Variants in CAMK2D observed in about 807,000 individuals in gnomAD.
CAMK2D encodes calcium/calmodulin dependent protein kinase II delta.
In CAMK2D, 37 loss-of-function variants were observed where a neutral mutation model predicts 84.0. The ratio of observed to expected loss-of-function variants is 0.44; its 90% confidence interval spans 0.34 to 0.58. The LOEUF (loss-of-function observed/expected upper bound fraction) is 0.58, where lower values mean the gene tolerates loss of function less well. CAMK2D is among the 20% of genes least tolerant of loss of function. CAMK2D has a pLI of 0.02. For missense variants in CAMK2D, 448 were observed against 652.5 expected (o/e 0.69, Z 3.41); for synonymous variants, 202 against 212.5 (o/e 0.95, Z 0.43).
At chr4:113,460,442 T>C (rs1382466753) in intron 17 of CAMK2D, among the ~76,000 whole-genome samples, 1 of 152,116 alleles carries the variant, frequency 6.6e-6, no homozygotes, top group Non-Finnish European at 1.5e-5. Context: ...AGAACTCTGA[T>C]AGGAACAAAC....
At chr4:113,455,048 A>C (rs1198629324) in intron 20 of CAMK2D, among the ~76,000 whole-genome samples, 1 of 152,228 alleles carries the variant, frequency 6.6e-6, no homozygotes, top group Non-Finnish European at 1.5e-5. Context: ...ACTATTTGTT[A>C]AAAGCTCTGA....
chr4:113,513,903 G>C lies in CAMK2D; in HGVS notation c.830C>G (p.Thr277Ser). ...CTGTCTGTGCATCATGGAAGCAACAGTAGAACGTTGCTAGAAGAAGAGGAG... is the reference window on the plus strand; with the variant it reads ...CTGTCTGTGCATCATGGAAGCAACACTAGAACGTTGCTAGAAGAAGAGGAG... Reference protein sequence around the residue: ...LKHPWICQRSTVASMMHRQET... With the variant: ...LKHPWICQRSSVASMMHRQET... Residue 277 changes from threonine to serine, a missense_variant, in exon 11 of 21, where the codon ACT becomes AGT. By Grantham distance (58) the Thr-to-Ser change is moderately conservative (BLOSUM62 1). This residue lies in a region of CAMK2D where 69 missense variants were observed against 175.6 expected (regional missense o/e 0.39). Transcript: ENST00000511664. 2 of 1,548,072 alleles carry C rather than the reference G, an allele frequency of 1.3e-6. 1 individual carries two copies.
At chr4:113,615,287 T>C (rs528246654) in intron 3 of CAMK2D, among the ~76,000 whole-genome samples, 123 of 152,106 alleles carry the variant, frequency 8.1e-4, no homozygotes, top group Middle Eastern at 6.8e-3. Context: ...TATACATATA[T>C]GTATTAATTT....
chr4:113,750,598 A>G (rs537255395), intron 2 of CAMK2D, among the ~76,000 whole-genome samples: 7 of 152,328 alleles, frequency 4.6e-5, no homozygotes, highest in Admixed American at 1.3e-4. Flanking sequence ...CTGGATCTCT[A>G]AAACTTATCA....
chr4:113,552,300 CAT>C (rs1251991355), intron 4 of CAMK2D, among the ~76,000 whole-genome samples: 1 of 152,116 alleles, frequency 6.6e-6, no homozygotes, highest in Non-Finnish European at 1.5e-5. Flanking sequence ...TCATTAGACA[CAT>C]GAGGTCACAA....
chr4:113,610,771 C>T (rs545162256), intron 3 of CAMK2D, among the ~76,000 whole-genome samples: 5 of 151,236 alleles, frequency 3.3e-5, no homozygotes, highest in South Asian at 2.1e-4. Flanking sequence ...TGCCCTGCCA[C>T]GCTTATCTTA....
chr4:113,673,725 G>A (rs2154328366), intron 2 of CAMK2D, among the ~76,000 whole-genome samples: 1 of 152,350 alleles, frequency 6.6e-6, no homozygotes, highest in South Asian at 2.1e-4. Flanking sequence ...AGGTGACAAA[G>A]AGTGTCAGTA....
intron 3 of CAMK2D, among the ~76,000 whole-genome samples, chr4:113,629,373 C>T (rs1338921068): frequency 6.6e-6 from 1 of 151,922 alleles, no homozygotes; most frequent in African/African-American, 2.4e-5. Context: ...TTTAAGGAAA[C>T]ATGGCATTAA....
At chr4:113,520,584 C>CTAAAG (rs146313210) in intron 8 of CAMK2D, among the ~76,000 whole-genome samples, 4,739 of 152,018 alleles carry the variant, frequency 0.031, 128 homozygotes, top group Non-Finnish European at 0.044. Flanking sequence ...GCCCATATAC[C>CTAAAG]TAAAGTACTA....
At chr4:113,674,453 A>G (rs369376519) in intron 2 of CAMK2D, among the ~76,000 whole-genome samples, 2 of 152,212 alleles carry the variant, frequency 1.3e-5, no homozygotes, top group African/African-American at 4.8e-5. Context: ...CAAGTGGGTC[A>G]GGCCTAAAGT....
At chr4:113,633,606 C>G (rs1002940675) in intron 3 of CAMK2D, among the ~76,000 whole-genome samples, 1 of 152,156 alleles carries the variant, frequency 6.6e-6, no homozygotes, top group Non-Finnish European at 1.5e-5. Context: ...GTCATTGCTA[C>G]AACTGTCATT....
intron 3 of CAMK2D, among the ~76,000 whole-genome samples, chr4:113,646,676 G>T (rs764641297): frequency 1.3e-5 from 2 of 152,172 alleles, no homozygotes; most frequent in Non-Finnish European, 2.9e-5. Flanking sequence ...AGCAACTGAG[G>T]GGGAGAGAAG....
At chr4:113,521,045 G>A (rs1419777374) in intron 8 of CAMK2D, among the ~76,000 whole-genome samples, 1 of 152,142 alleles carries the variant, frequency 6.6e-6, no homozygotes, top group East Asian at 1.9e-4. Flanking sequence ...ACAAAATGAT[G>A]ATACTCTAAT....
At chr4:113,526,446 A>G (rs993810237) in intron 8 of CAMK2D, among the ~76,000 whole-genome samples, 7 of 108,736 alleles carry the variant, frequency 6.4e-5, no homozygotes, top group Admixed American at 5.4e-4. Flanking sequence ...GTGTGTGTGC[A>G]TGCATGTATG....
chr4:113,575,945 C>T (rs1978130), intron 4 of CAMK2D, among the ~76,000 whole-genome samples: 110,090 of 152,006 alleles, frequency 0.72, 40,153 homozygotes, highest in Middle Eastern at 0.78. Context: ...AACTATATTG[C>T]TATTTTTTAA....
chr4:113,537,205 G>T, intron 7 of CAMK2D, 136 bp downstream of exon 7: 1 of 539,656 alleles, frequency 1.9e-6, no homozygotes, highest in Non-Finnish European at 3.3e-6. Flanking sequence ...GCTTATAAAG[G>T]CACAATATCT....
chr4:113,508,685 T>C (rs1282102565), intron 13 of CAMK2D, among the ~76,000 whole-genome samples: 1 of 152,204 alleles, frequency 6.6e-6, no homozygotes, highest in Non-Finnish European at 1.5e-5. Context: ...AAATGCACAG[T>C]CATCAGTGCT....
intron 4 of CAMK2D, among the ~76,000 whole-genome samples, chr4:113,585,945 C>T (rs1047769049): frequency 6.6e-6 from 1 of 152,182 alleles, no homozygotes; most frequent in Admixed American, 6.5e-5. Flanking sequence ...CTTTTGGCCA[C>T]ATTGTTTCCT....
chr4:113,542,422 CAA>C (rs1043197149), intron 6 of CAMK2D, among the ~76,000 whole-genome samples: 4 of 152,026 alleles, frequency 2.6e-5, no homozygotes, highest in African/African-American at 9.7e-5. Flanking sequence ...CCATGGTTAA[CAA>C]GAATTTACTG....
Sources: gnomAD v4.1 joint callset for allele counts (sites outside exome capture counted in the v4.1 genomes callset) on GRCh38, gnomAD v4.1.1 for gene constraint, gnomAD v4.1.1 regional missense constraint, MANE v1.5 for transcripts, NCBI Gene and HGNC (gene_info 2026-07-23, HGNC 2026-07-21) for gene names.